The following NXN variants were observed in gnomAD, a reference collection of about 807,000 sequenced individuals.
NXN encodes the protein nucleoredoxin 1.
In NXN, 16 loss-of-function variants were observed where a neutral mutation model predicts 48.6. That is an observed-to-expected ratio of 0.33 (90% CI 0.22 to 0.50). The LOEUF is 0.50. NXN is among the 20% of genes least tolerant of loss of function. The pLI is 0.98. For missense variants in NXN, 492 were observed against 605.5 expected (o/e 0.81, Z 1.97); for synonymous variants, 281 against 269.6 (o/e 1.04, Z -0.41).
intron 1 of NXN, among the ~76,000 whole-genome samples, chr17:866,098 C>T (rs1316144095): frequency 6.6e-6 from 1 of 152,164 alleles, no homozygotes; most frequent in Non-Finnish European, 1.5e-5. Context: ...AAGTAAATTA[C>T]GCTCTATATA....
chr17:885,003 G>C (rs771809910), intron 1 of NXN, among the ~76,000 whole-genome samples: 1 of 152,186 alleles, frequency 6.6e-6, no homozygotes, highest in Non-Finnish European at 1.5e-5. Flanking sequence ...ATCCTATGGC[G>C]AGCGCCATCC....
rs2068863681 is a variant in NXN, at chr17:932,356, C to T, written c.360+46963G>A. Among the ~76,000 whole-genome samples the T allele has an allele frequency of 6.6e-6, 1 of 152,148 alleles. No homozygotes were observed. The highest frequency in any genetic ancestry group is 1.5e-5 in the Non-Finnish European group (1 of 68,028). On this transcript the variant is annotated intron_variant, in intron 1 of 7. Coordinates refer to ENST00000336868, the MANE Select transcript of NXN (RefSeq NM_022463.5). The surrounding 1 kb of genome is among the most constrained non-coding windows in gnomAD (Gnocchi z 4.1). The stretch of plus-strand genomic sequence containing the variant: ...TGGGAACTGTTGCTAGAATTGCAAA[C>T]TACTGGGCCCCAGCCTGGACCTACC...
rs1248630459 is a variant in NXN at position 868,066 on chromosome 17, G to A, written c.361-41988C>T. Among the ~76,000 whole-genome samples the A allele has an allele frequency of 2.6e-5, 4 of 152,150 alleles. No individual in the cohort carries two copies. The East Asian group carries it at 7.7e-4, about 29-fold the overall frequency. ...GGGACATGTGTTGTGCTCCAGCAGA[G>A]CCTGTACGGCGTCCCATGGGTCATC... On this transcript the variant is annotated intron_variant, in intron 1 of 7. Coordinates refer to ENST00000336868, the MANE Select transcript of NXN (RefSeq NM_022463.5).
chr17:950,973 G>C (rs1166295643), intron 1 of NXN, among the ~76,000 whole-genome samples: 2 of 151,998 alleles, frequency 1.3e-5, no homozygotes, highest in East Asian at 3.9e-4. Flanking sequence ...CTAGTACAAG[G>C]TCCAATCCTC....
intron 5 of NXN, among the ~76,000 whole-genome samples, chr17:807,719 TCG>T: frequency 1.3e-5 from 2 of 152,344 alleles, no homozygotes; most frequent in African/African-American, 4.8e-5. Flanking sequence ...AGGAAGCCAC[TCG>T]TGTTCGGCCC....
Position 849,883 on chromosome 17 carries a change from G to A in NXN, c.361-23805C>T, listed in dbSNP as rs537080355. On this transcript the variant is annotated intron_variant, in intron 1 of 7. Transcript: ENST00000336868. This position sits in a 1 kb window ranked among gnomAD's most constrained non-coding sequence, Gnocchi z 4.2. The stretch of plus-strand genomic sequence containing the variant: ...GCAGGAGAGACACCAGAGTCAGAGA[G>A]GAGCGAACGAGAGAAGCTGCAGAGC... Among the ~76,000 whole-genome samples, 15 of 152,258 alleles carry A rather than the reference G, an allele frequency of 9.9e-5. No homozygotes were observed. Among genetic ancestry groups the A allele is most frequent in the African/African-American group, 2.4e-4 (10 of 41,538 alleles).
intron 1 of NXN, among the ~76,000 whole-genome samples, chr17:975,224 T>C (rs912536464): frequency 2.6e-5 from 4 of 152,172 alleles, no homozygotes; most frequent in African/African-American, 9.7e-5. Context: ...CCGGGCTTCT[T>C]ATGAAGAAGG....
intron 1 of NXN, among the ~76,000 whole-genome samples, chr17:842,768 G>A (rs947494234): frequency 6.6e-5 from 10 of 152,088 alleles, no homozygotes; most frequent in South Asian, 4.1e-4. Flanking sequence ...TGAAACCCCC[G>A]TCTCTACCAA....
chr17:894,904 C>T (rs774843663), intron 1 of NXN, among the ~76,000 whole-genome samples: 6 of 151,944 alleles, frequency 3.9e-5, no homozygotes, highest in Non-Finnish European at 8.8e-5. Context: ...CGTGGGCACA[C>T]CCAGGTCCCC....
At chr17:939,669 C>T (rs919482132) in intron 1 of NXN, among the ~76,000 whole-genome samples, 5 of 151,958 alleles carry the variant, frequency 3.3e-5, no homozygotes, top group Admixed American at 6.6e-5. Flanking sequence ...TTAAAGAATA[C>T]GTTCTTACAT....
At chr17:868,414 C>T (rs1036407394) in intron 1 of NXN, among the ~76,000 whole-genome samples, 12 of 152,180 alleles carry the variant, frequency 7.9e-5, no homozygotes, top group African/African-American at 1.7e-4. Flanking sequence ...GGCTCTCACC[C>T]GCAGACTTAA....
chr17:849,560 C>T lies in NXN; in HGVS notation c.361-23482G>A, dbSNP rs2144741813. On this transcript the variant is annotated intron_variant, in intron 1 of 7. Transcript: ENST00000336868. The surrounding 1 kb of genome is among the most constrained non-coding windows in gnomAD (Gnocchi z 4.2). ...AGCTTCCCAACCAGCGTGCTAGGAG[C>T]AGGCTCCAGGAGGGCACCGCACTGG... Among the ~76,000 whole-genome samples, 1 of 152,214 alleles carries T rather than the reference C, an allele frequency of 6.6e-6. No individual in the cohort carries two copies. Among genetic ancestry groups the T allele is most frequent in the Non-Finnish European group, 1.5e-5 (1 of 67,990 alleles).
intron 1 of NXN, among the ~76,000 whole-genome samples, chr17:971,642 G>C (rs550686078): frequency 6.6e-6 from 1 of 151,982 alleles, no homozygotes; most frequent in Admixed American, 6.5e-5. Context: ...CCGGGAAGGC[G>C]GAGCTGGCAG....
At chr17:899,885 G>T (rs1229851591) in intron 1 of NXN, among the ~76,000 whole-genome samples, 15 of 152,094 alleles carry the variant, frequency 9.9e-5, no homozygotes, top group Non-Finnish European at 4.4e-5. Context: ...GTGAGACCCT[G>T]TCTCTAAATT....
intron 1 of NXN, among the ~76,000 whole-genome samples, chr17:871,459 C>A (rs979685585): frequency 2.4e-4 from 32 of 135,480 alleles, no homozygotes; most frequent in Non-Finnish European, 4.1e-4. Context: ...GGCTGGAGTG[C>A]AGCAGCACGA....
intron 1 of NXN, among the ~76,000 whole-genome samples, chr17:900,223 G>A (rs527940827): frequency 3.3e-5 from 5 of 152,150 alleles, no homozygotes; most frequent in East Asian, 1.9e-4. Flanking sequence ...CCAAGATTGC[G>A]CCATTGCACT....
chr17:938,897 TA>T (rs891902382), intron 1 of NXN, among the ~76,000 whole-genome samples: 23 of 151,718 alleles, frequency 1.5e-4, no homozygotes, highest in Admixed American at 1.1e-3. Context: ...CCGTCTCTAC[TA>T]AAAATTAGCT....
At chr17:817,220 C>T (rs1190107200) in intron 5 of NXN, among the ~76,000 whole-genome samples, 1 of 152,126 alleles carries the variant, frequency 6.6e-6, no homozygotes, top group Non-Finnish European at 1.5e-5. Flanking sequence ...CGCTTAGCCC[C>T]ACCAAATCCA....
At chr17:868,415 G>A (rs528005756) in intron 1 of NXN, among the ~76,000 whole-genome samples, 2 of 151,992 alleles carry the variant, frequency 1.3e-5, no homozygotes, top group Non-Finnish European at 1.5e-5. Flanking sequence ...GCTCTCACCC[G>A]CAGACTTAAC....
Sources: gnomAD v4.1 joint callset for allele counts (sites outside exome capture counted in the v4.1 genomes callset) on GRCh38, gnomAD v4.1.1 for gene constraint, Gnocchi (gnomAD v3.1) non-coding constraint, MANE v1.5 for transcripts, NCBI Gene and HGNC (gene_info 2026-07-23, HGNC 2026-07-21) for gene names.